CDC42BPB: variants seen among roughly 807,000 people sequenced by gnomAD.
CDC42BPB encodes the protein serine/threonine-protein kinase MRCK beta.
A neutral mutation model predicts 214.9 loss-of-function variants in CDC42BPB; 37 were observed. The ratio of observed to expected loss-of-function variants is 0.17; its 90% CI spans 0.13 to 0.23. The LOEUF is 0.23. Ranked by LOEUF, CDC42BPB falls within the 10% of genes least tolerant of loss-of-function variation. The pLI, the probability that CDC42BPB is intolerant of heterozygous loss-of-function variation, is 1.00. For synonymous variants in CDC42BPB, 931 were observed against 884.0 expected (o/e 1.05, Z -0.94); for missense variants, 1,694 against 2,227.0 (o/e 0.76, Z 4.82).
In CDC42BPB at chr14:102,965,388, T is replaced by TA. The variant is rs765936398; in HGVS notation, c.2578-739dup. 8.6e-3 allele frequency among the ~76,000 whole-genome samples: 992 copies of TA among 115,200 alleles called. 14 individuals are homozygous for TA. The highest frequency in any genetic ancestry group is 0.021 in the African/African-American group (677 of 31,934). The allele number at this position is 115,200 out of a possible 152,430, so 75.6% of individuals were successfully genotyped here. On this transcript the variant is annotated intron_variant, in intron 18 of 36. Coordinates refer to ENST00000361246, the MANE Select transcript of CDC42BPB (RefSeq NM_006035.4). ...GTCATTACTCATTCCTACCTGTGAT[T>TA]AAAAAAAAAAAAAAAAAAAAAAGAC...
chr14:102,947,828 G>T, intron 26 of CDC42BPB, 26 bp from the exon 27 acceptor site: 1 of 1,611,132 alleles, frequency 6.2e-7, no homozygotes, highest in Middle Eastern at 1.7e-4. Context: ...CATTGACCCC[G>T]CTGGGAGACA....
intron 1 of CDC42BPB, chr14:103,041,717 G>A: frequency 1.8e-6 from 1 of 548,268 alleles, no homozygotes. Context: ...AGGGTGGCTG[G>A]CATTCACAAG....
At chr14:102,946,713 A>G in intron 27 of CDC42BPB, 29 bp from the exon 28 acceptor site, 1 of 1,609,798 alleles carries the variant, frequency 6.2e-7, no homozygotes, top group Non-Finnish European at 8.5e-7. Flanking sequence ...AAGAGAAGAG[A>G]GAAGTCATCA....
intron 33 of CDC42BPB, 26 bp downstream of exon 33, chr14:102,939,804 C>CAGGCCCCGTG (rs1891806842): frequency 1.2e-6 from 2 of 1,613,878 alleles, no homozygotes; most frequent in South Asian, 1.1e-5. Context: ...CGAGGCCCAG[C>CAGGCCCCGTG]AGGCCCCGTG....
rs148385475 is a variant in CDC42BPB, at chr14:102,972,094, C to T, written c.1709G>A (p.Arg570Gln). Residue 570 changes from arginine to glutamine, a missense_variant, in exon 13 of 37, where the codon CGA (arginine) becomes CAA (glutamine). Physicochemically the swap from Arg to Gln is conservative, Grantham distance 43. This residue lies in a region of CDC42BPB where 462 missense variants were observed against 513.5 expected (regional missense o/e 0.90). Transcript: ENST00000361246. ...CGAGAACTCCTGCAGGGCCAGCTTT[C>T]GCTGCTGATGGGCATCTTTGAGTTC... ...AKELKDAHQQ[R>Q]KLALQEFSEL... The T allele has an allele frequency of 4.5e-4, 726 of 1,614,146 alleles. 2 individuals carry two copies. The highest frequency in any genetic ancestry group is 9.5e-4 in the Admixed American group (57 of 60,006).
chr14:102,966,506 G>T, intron 17 of CDC42BPB, 119 bp from the exon 18 acceptor site: 2 of 1,489,866 alleles, frequency 1.3e-6, no homozygotes, highest in Non-Finnish European at 1.8e-6. Context: ...GTCAGCTAGA[G>T]TGCCCGCAGT....
rs1441797225 is a variant in CDC42BPB at position 102,943,625 on chromosome 14, G to A, written c.4408+266C>T. ...CCCTTCTGCCCAGGGGCCTATGCCC[G>A]CCGACGGGGTCCTCTGCTGAGGCCT... is the stretch of plus-strand genomic sequence containing the variant. On this transcript the variant is annotated intron_variant, in intron 30 of 36. Coordinates refer to ENST00000361246, the MANE Select transcript of CDC42BPB (RefSeq NM_006035.4). The surrounding 1 kb of genome is among the most constrained non-coding windows in gnomAD (Gnocchi z 4.6). Among the ~76,000 whole-genome samples the A allele has an allele frequency of 1.3e-5, 2 of 152,172 alleles. No individual in the cohort carries two copies. Among genetic ancestry groups the A allele is most frequent in the Non-Finnish European group, 2.9e-5 (2 of 68,028 alleles).
intron 1 of CDC42BPB, among the ~76,000 whole-genome samples, chr14:103,050,494 C>G: frequency 6.6e-6 from 1 of 152,222 alleles, no homozygotes; most frequent in East Asian, 1.9e-4. Context: ...AGCGCAGTGG[C>G]TCACACTTAT....
intron 1 of CDC42BPB, among the ~76,000 whole-genome samples, chr14:103,020,031 A>G (rs986184088): frequency 3.9e-5 from 6 of 152,242 alleles, no homozygotes; most frequent in African/African-American, 1.2e-4. Context: ...GTCTGAGGAA[A>G]GAGGACGGTG....
chr14:102,946,588 C>T lies in CDC42BPB; in HGVS notation c.3628G>A (p.Glu1210Lys). The change falls in exon 28 of 37, where the codon GAA becomes AAA. Residue 1210 changes from glutamate (E) to lysine (K), a missense_variant. Glu to Lys is a moderately conservative substitution (Grantham distance 56). This residue lies in a region of CDC42BPB where 567 missense variants were observed against 790.3 expected (regional missense o/e 0.72). Coordinates refer to ENST00000361246, the MANE Select transcript of CDC42BPB (RefSeq NM_006035.4). Reference sequence around the variant, plus strand: ...TTATGAAGGATGGACTGGAGTCCTTCTAGAATCCCAACCCACTTCCTCTTT... The same window carrying T: ...TTATGAAGGATGGACTGGAGTCCTTTTAGAATCCCAACCCACTTCCTCTTT... ...NEKRKWVGIL[E>K]GLQSILHKNR... 1 of 1,612,802 alleles carries T rather than the reference C, an allele frequency of 6.2e-7. No individual in the cohort carries two copies. The highest frequency in any genetic ancestry group is 8.5e-7 in the Non-Finnish European group (1 of 1,179,970).
At position 103,053,490 on chromosome 14, in the gene CDC42BPB, G is replaced by C. The variant is rs141808920; in HGVS notation, c.175+3509C>G. On this transcript the variant is annotated intron_variant, in intron 1 of 36. Coordinates refer to ENST00000361246, the MANE Select transcript of CDC42BPB (RefSeq NM_006035.4). ...AAGTTGAAATGACTCGGCCAGGCAC[G>C]GTGGCTCACACCTGTAATCCAAGAA... Among the ~76,000 whole-genome samples, 7 of 152,024 alleles carry C rather than the reference G, an allele frequency of 4.6e-5. 1 individual carries two copies. The South Asian group carries it at 8.3e-4, about 18-fold the overall frequency.
intron 1 of CDC42BPB, among the ~76,000 whole-genome samples, chr14:103,039,292 C>CAAAAAAAAAAAAAAAAAAAAAAAA (rs202028122): frequency 1.4e-5 from 1 of 70,642 alleles, no homozygotes; most frequent in African/African-American, 4.3e-5. Context: ...GATACCAAAC[C>CAAAAAAAAAAAAAAAAAAAAAAAA]AAAAAAAAAA....
At chr14:103,041,755 G>C in intron 1 of CDC42BPB, 1 of 516,486 alleles carries the variant, frequency 1.9e-6, no homozygotes, top group South Asian at 2.1e-5. Flanking sequence ...TAGCATCTCT[G>C]TGGATCCAAG....
chr14:103,002,321 T>C (rs796715067), intron 4 of CDC42BPB, among the ~76,000 whole-genome samples: 6 of 152,352 alleles, frequency 3.9e-5, no homozygotes, highest in African/African-American at 1.4e-4. Context: ...TTAATTTTCA[T>C]GGTACGTCTA....
chr14:103,048,944 AC>A (rs767279225), intron 1 of CDC42BPB, among the ~76,000 whole-genome samples: 6 of 152,170 alleles, frequency 3.9e-5, no homozygotes, highest in Non-Finnish European at 5.9e-5. Flanking sequence ...CTCCAATAAC[AC>A]AAAACTATTT....
chr14:102,990,918 C>T (rs888920122), intron 5 of CDC42BPB, among the ~76,000 whole-genome samples: 11 of 152,168 alleles, frequency 7.2e-5, no homozygotes, highest in African/African-American at 2.7e-4. Context: ...CAGACCAATA[C>T]ACAGGGAGAA....
At position 102,932,884 on chromosome 14, in the gene CDC42BPB, GGGC is replaced by G. The variant is rs1338690128; in HGVS notation, c.*825_*827del. The G allele has an allele frequency of 1.6e-5, 2 of 126,014 alleles. No homozygotes were observed. Among genetic ancestry groups the G allele is most frequent in the Non-Finnish European group, 3.3e-5 (2 of 59,872 alleles). The allele number at this position is 126,014 out of a possible 1,614,324, so 7.8% of individuals were successfully genotyped here. ...GCGGGGGCAGGACTGGTGGGGGGGG[GGGC>G]GGGCAGGGCGGGGCGGGGTGGGGTA... On this transcript the variant is annotated 3_prime_UTR_variant, in exon 37 of 37. Transcript: ENST00000361246.
At chr14:102,987,155 C>T (rs952889953) in intron 5 of CDC42BPB, among the ~76,000 whole-genome samples, 5 of 152,202 alleles carry the variant, frequency 3.3e-5, no homozygotes, top group East Asian at 1.9e-4. Context: ...TGCTGCAAAC[C>T]GCCCCATACC....
chr14:102,982,469 T>C (rs1296984261), intron 7 of CDC42BPB, among the ~76,000 whole-genome samples: 1 of 152,020 alleles, frequency 6.6e-6, no homozygotes, highest in African/African-American at 2.4e-5. Context: ...GAAATCGGCA[T>C]TAGGAAGACA....
Sources: allele counts gnomAD v4.1 joint callset (sites outside exome capture counted in the v4.1 genomes callset), GRCh38; gene constraint gnomAD v4.1.1; regional missense constraint gnomAD v4.1.1; non-coding constraint Gnocchi (gnomAD v3.1); transcripts MANE v1.5; gene names NCBI Gene and HGNC (gene_info 2026-07-23, HGNC 2026-07-21).